The following MTMR6 variants were observed in gnomAD, a reference collection of about 807,000 sequenced individuals.
The protein encoded by MTMR6 is phosphatidylinositol-3,5-bisphosphate 3-phosphatase MTMR6.
In MTMR6, 47 loss-of-function variants were observed where a neutral mutation model predicts 80.1. That is an observed-to-expected ratio of 0.59 (90% CI 0.46 to 0.75). The LOEUF is 0.75. Among genes scored for constraint, MTMR6 ranks in the 30% least tolerant of loss-of-function variants. The pLI, the probability that MTMR6 is intolerant of heterozygous loss-of-function variation, is 0.00. For synonymous variants in MTMR6, 254 were observed against 253.0 expected (o/e 1.00, Z -0.04); for missense variants, 629 against 730.9 (o/e 0.86, Z 1.61).
intron 1 of MTMR6, among the ~76,000 whole-genome samples, chr13:25,275,363 A>T (rs1957696028): frequency 6.6e-6 from 1 of 151,796 alleles, no homozygotes; most frequent in Non-Finnish European, 1.5e-5. Flanking sequence ...TGGAGGTTGC[A>T]GTGAGCCAAG....
At position 25,259,972 on chromosome 13, in the gene MTMR6, C is replaced by T. The variant is rs190301555; in HGVS notation, c.727-1280G>A. ...TGCCTCCTGGGTTCAAGCAATTCTC[C>T]TGCCTCAGCCTCCCAAGTAGCTGGG... is the stretch of plus-strand genomic sequence containing the variant. On this transcript the variant is annotated intron_variant, in intron 6 of 13. Transcript: ENST00000381801. Among the ~76,000 whole-genome samples, 904 of 152,158 alleles carry T rather than the reference C, an allele frequency of 5.9e-3. 10 individuals carry two copies. Among genetic ancestry groups the T allele is most frequent in the African/African-American group, 0.021 (870 of 41,498 alleles).
chr13:25,261,411 A>G (rs1218252434), intron 6 of MTMR6, among the ~76,000 whole-genome samples: 1 of 151,058 alleles, frequency 6.6e-6, no homozygotes, highest in African/African-American at 2.4e-5. Flanking sequence ...TACTAGCAAG[A>G]GTTCTCAATA....
At chr13:25,276,168 T>C (rs1957723014) in intron 1 of MTMR6, among the ~76,000 whole-genome samples, 2 of 152,186 alleles carry the variant, frequency 1.3e-5, no homozygotes, top group South Asian at 2.1e-4. Context: ...TATTGCAATA[T>C]AGATCTCACC....
At chr13:25,284,245 G>A (rs753664312) in intron 1 of MTMR6, among the ~76,000 whole-genome samples, 4 of 152,094 alleles carry the variant, frequency 2.6e-5, no homozygotes, top group Non-Finnish European at 5.9e-5. Context: ...ACTGGAAAGA[G>A]CATACATAGT....
intron 3 of MTMR6, among the ~76,000 whole-genome samples, chr13:25,266,553 G>T (rs1957457991): frequency 6.6e-6 from 1 of 152,056 alleles, no homozygotes; most frequent in South Asian, 2.1e-4. Flanking sequence ...ATCCTCTATT[G>T]CAGTATTTTT....
At chr13:25,283,478 C>T (rs1957901155) in intron 1 of MTMR6, among the ~76,000 whole-genome samples, 1 of 152,112 alleles carries the variant, frequency 6.6e-6, no homozygotes, top group Non-Finnish European at 1.5e-5. Context: ...ATTCTTGATC[C>T]ATTCTTATTT....
At position 25,268,763 on chromosome 13, in the gene MTMR6, C is replaced by T. The variant is rs532214113; in HGVS notation, c.142-822G>A. On this transcript the variant is annotated intron_variant, in intron 2 of 13. Coordinates refer to ENST00000381801, the MANE Select transcript of MTMR6 (RefSeq NM_004685.5). The stretch of plus-strand genomic sequence containing the variant: ...CAGGCAAGACCTGGGAACAGGTGAT[C>T]CCAGTGGAAGCCCCATACCCTACCG... 1.2e-4 allele frequency among the ~76,000 whole-genome samples: 19 copies of T among 152,240 alleles called. 1 individual carries two copies. Among genetic ancestry groups the T allele is most frequent in the African/African-American group, 4.6e-4 (19 of 41,558 alleles).
chr13:25,251,673 C>A lies in MTMR6; in HGVS notation c.1581G>T (p.Glu527Asp). The change falls in exon 13 of 14, where the codon GAG becomes GAT. Residue 527 changes from glutamate to aspartate, a missense_variant. Physicochemically the swap from Glu to Asp is conservative, Grantham distance 45. Coordinates refer to ENST00000381801, the MANE Select transcript of MTMR6 (RefSeq NM_004685.5). The surrounding 1 kb of genome is among the most constrained non-coding windows in gnomAD (Gnocchi z 4.1). ...MNMNEQNKQL[E>D]KDIKDLESKI... ...CAGATTCTAGGTCTTTAATATCTTT[C>A]TCTAATTGTTTATTTTGCTCATTCA... 3.3e-6 allele frequency: 5 copies of A among 1,522,222 alleles called. No homozygotes were observed. Among genetic ancestry groups the A allele is most frequent in the Non-Finnish European group, 4.5e-6 (5 of 1,106,050 alleles). The allele number at this position is 1,522,222 out of a possible 1,614,324, so 94.3% of individuals were successfully genotyped here.
At chr13:25,269,826 C>T (rs1483014794) in intron 2 of MTMR6, among the ~76,000 whole-genome samples, 1 of 152,056 alleles carries the variant, frequency 6.6e-6, no homozygotes, top group East Asian at 1.9e-4. Context: ...TTAACACACA[C>T]ACACACATAT....
At chr13:25,280,879 C>T (rs948003676) in intron 1 of MTMR6, among the ~76,000 whole-genome samples, 1 of 152,220 alleles carries the variant, frequency 6.6e-6, no homozygotes, top group Non-Finnish European at 1.5e-5. Flanking sequence ...ACACACATTA[C>T]TTTAAGGACT....
Position 25,267,786 on chromosome 13 carries a change from T to C in MTMR6, c.297A>G (p.Ser99=). Residue 99 remains serine, a synonymous_variant, in exon 3 of 14, where the codon TCA becomes TCG. Coordinates refer to ENST00000381801, the MANE Select transcript of MTMR6 (RefSeq NM_004685.5). ...GGTCTCTAAGAACAATACCTTGTTTTGACAGTTGTAGCAAAGAGTTGTAAA... is the reference window on the plus strand; with the variant it reads ...GGTCTCTAAGAACAATACCTTGTTTCGACAGTTGTAGCAAAGAGTTGTAAA... ...HDIYNSLLQL[S]KQAKYEDLYA... is the part of the protein sequence containing the mutation. 6.2e-7 allele frequency: 1 copy of C among 1,613,116 alleles called. No homozygotes were observed. The highest frequency in any genetic ancestry group is 1.3e-5 in the African/African-American group (1 of 75,032).
intron 9 of MTMR6, 76 bp from the exon 10 acceptor site, chr13:25,254,510 T>C (rs1157347772): frequency 3.0e-6 from 3 of 998,612 alleles, no homozygotes; most frequent in East Asian, 5.1e-5. Flanking sequence ...ATCTTATTAG[T>C]TTAAAAACAG....
chr13:25,266,800 A>G (rs1239927352), intron 3 of MTMR6, among the ~76,000 whole-genome samples: 1 of 152,190 alleles, frequency 6.6e-6, no homozygotes, highest in Admixed American at 6.5e-5. Flanking sequence ...AGACAATAGG[A>G]TGTTACAGGC....
rs750840801 is a variant in MTMR6 at position 25,266,151 on chromosome 13, G to C, written c.440C>G (p.Ser147Cys). The C allele has an allele frequency of 3.1e-6, 5 of 1,613,818 alleles. No homozygotes were observed. In the Middle Eastern group the frequency reaches 4.9e-4, roughly 160 times the overall value. Residue 147 changes from serine to cysteine, a missense_variant, in exon 4 of 14, where the codon TCT becomes TGT. Transcript: ENST00000381801. The stretch of plus-strand genomic sequence containing the variant: ...TACCTTGTAGTCCCGGTTGGCATCA[G>C]ACAACTGCCAGTGTGAGTTTGGCAC... Reference protein sequence around the residue: ...MGVPNSHWQLSDANRDYKICE... With the variant: ...MGVPNSHWQLCDANRDYKICE...
At chr13:25,285,039 T>TA (rs35955831) in intron 1 of MTMR6, among the ~76,000 whole-genome samples, 12,715 of 152,268 alleles carry the variant, frequency 0.084, 822 homozygotes, top group Admixed American at 0.2. Context: ...AGAAATTTCT[T>TA]AGTCTCTAAA....
chr13:25,264,690 G>A, intron 5 of MTMR6, among the ~76,000 whole-genome samples: 1 of 148,856 alleles, frequency 6.7e-6, no homozygotes, highest in Non-Finnish European at 1.5e-5. Flanking sequence ...GGGAGGTGGA[G>A]GTTGCTGTGA....
At chr13:25,280,691 A>C (rs1229668227) in intron 1 of MTMR6, among the ~76,000 whole-genome samples, 3 of 152,214 alleles carry the variant, frequency 2.0e-5, no homozygotes, top group Admixed American at 6.5e-5. Context: ...CTGGTCACTA[A>C]CACTGAAGTA....
chr13:25,270,584 G>A (rs899989338), intron 2 of MTMR6, among the ~76,000 whole-genome samples: 3 of 152,212 alleles, frequency 2.0e-5, no homozygotes, highest in Admixed American at 6.5e-5. Context: ...GGTAGATGGA[G>A]TGGATGATAA....
In MTMR6 at chr13:25,285,954, C is replaced by T. The variant is rs79833285; in HGVS notation, c.24+1270G>A. On this transcript the variant is annotated intron_variant, in intron 1 of 13. Coordinates refer to ENST00000381801, the MANE Select transcript of MTMR6 (RefSeq NM_004685.5). ...GCTACTACATAATACATATCTGGAA[C>T]CAATACAAGAACCTGATCCAATGTC... 3.0e-3 allele frequency among the ~76,000 whole-genome samples: 450 copies of T among 152,264 alleles called. 2 individuals are homozygous for T. Among genetic ancestry groups the T allele is most frequent in the African/African-American group, 7.8e-3 (324 of 41,542 alleles).
Sources: allele counts gnomAD v4.1 joint callset (sites outside exome capture counted in the v4.1 genomes callset), GRCh38; gene constraint gnomAD v4.1.1; non-coding constraint Gnocchi (gnomAD v3.1); transcripts MANE v1.5; gene names NCBI Gene and HGNC (gene_info 2026-07-23, HGNC 2026-07-21).